DRC11: variants seen among roughly 807,000 people sequenced by gnomAD.
The protein encoded by DRC11 is IQ and AAA domain-containing protein 1.
At chr2:236,394,948 G>C in the DRC11 span, among the ~76,000 whole-genome samples, 1 of 152,328 alleles carries the variant, frequency 6.6e-6, no homozygotes, top group Non-Finnish European at 1.5e-5. This position sits in a 1 kb window ranked among gnomAD's most constrained non-coding sequence, Gnocchi z 7.0. Flanking sequence ...AGTTGGGCAG[G>C]TTTTTGAAAA....
At chr2:236,404,248 C>T in the DRC11 span, among the ~76,000 whole-genome samples, 1 of 151,612 alleles carries the variant, frequency 6.6e-6, no homozygotes, top group African/African-American at 2.4e-5. Flanking sequence ...TGCCCTAGAC[C>T]AATTATGCTC....
At chr2:236,480,806 A>T in the DRC11 span, among the ~76,000 whole-genome samples, 2 of 152,156 alleles carry the variant, frequency 1.3e-5, no homozygotes, top group African/African-American at 4.8e-5. Flanking sequence ...ATGTATTGTC[A>T]TTGAAGAATT....
At chr2:236,351,228 G>A in the DRC11 span, among the ~76,000 whole-genome samples, 1 of 152,110 alleles carries the variant, frequency 6.6e-6, no homozygotes. The surrounding 1 kb of genome is among the most constrained non-coding windows in gnomAD (Gnocchi z 7.3). Flanking sequence ...CCCACCTGTG[G>A]TAAGGGAGAG....
chr2:236,436,171 G>T, the DRC11 span, among the ~76,000 whole-genome samples: 1 of 152,042 alleles, frequency 6.6e-6, no homozygotes, highest in Non-Finnish European at 1.5e-5. Context: ...AATTTTTCTT[G>T]TGTTAAATTC....
chr2:236,498,784 G>A, the DRC11 span, among the ~76,000 whole-genome samples: 5,826 of 152,156 alleles, frequency 0.038, 291 homozygotes, highest in East Asian at 0.12. Flanking sequence ...AGGCCCTCAT[G>A]AGTGTCCCCG....
chr2:236,369,891 A>G, the DRC11 span, among the ~76,000 whole-genome samples: 284 of 152,330 alleles, frequency 1.9e-3, 2 homozygotes, highest in African/African-American at 6.6e-3. This position sits in a 1 kb window ranked among gnomAD's most constrained non-coding sequence, Gnocchi z 4.5. Flanking sequence ...AAAGGCATTT[A>G]GGATAGAGGG....
the DRC11 span, among the ~76,000 whole-genome samples, chr2:236,357,625 A>G: frequency 8.6e-6 from 1 of 116,786 alleles, no homozygotes; most frequent in African/African-American, 3.6e-5. Flanking sequence ...AAATATATAA[A>G]TATGCATATA....
the DRC11 span, among the ~76,000 whole-genome samples, chr2:236,399,882 A>G: frequency 6.6e-6 from 1 of 151,944 alleles, no homozygotes; most frequent in Non-Finnish European, 1.5e-5. The surrounding 1 kb of genome is among the most constrained non-coding windows in gnomAD (Gnocchi z 7.0). Context: ...CACCTGGCTA[A>G]TTTTTAAATT....
the DRC11 span, among the ~76,000 whole-genome samples, chr2:236,402,064 G>A: frequency 1.3e-5 from 2 of 152,190 alleles, no homozygotes; most frequent in Non-Finnish European, 2.9e-5. The surrounding 1 kb of genome is among the most constrained non-coding windows in gnomAD (Gnocchi z 6.0). Flanking sequence ...ACTCTCCCCA[G>A]TGCGTGCCCC....
the DRC11 span, among the ~76,000 whole-genome samples, chr2:236,423,533 C>T: frequency 1.7e-3 from 255 of 152,212 alleles, 1 homozygote; most frequent in Middle Eastern, 6.8e-3. Flanking sequence ...ATGGCGATCA[C>T]TAAAAAGTCA....
chr2:236,432,546 T>G, the DRC11 span, among the ~76,000 whole-genome samples: 1 of 152,194 alleles, frequency 6.6e-6, no homozygotes, highest in African/African-American at 2.4e-5. Flanking sequence ...CGAATTCATT[T>G]GAGTTTTCTT....
At chr2:236,380,239 C>G in the DRC11 span, among the ~76,000 whole-genome samples, 1 of 152,204 alleles carries the variant, frequency 6.6e-6, no homozygotes, top group Non-Finnish European at 1.5e-5. The surrounding 1 kb of genome is among the most constrained non-coding windows in gnomAD (Gnocchi z 4.9). Flanking sequence ...AGATTCCTGT[C>G]CTGTGAGAAC....
chr2:236,500,071 CTT>C, the DRC11 span, among the ~76,000 whole-genome samples: 1 of 147,586 alleles, frequency 6.8e-6, no homozygotes, highest in Non-Finnish European at 1.5e-5. This position sits in a 1 kb window ranked among gnomAD's most constrained non-coding sequence, Gnocchi z 6.3. Context: ...GTTTGCAAGA[CTT>C]TTGGGTTCAG....
the DRC11 span, among the ~76,000 whole-genome samples, chr2:236,404,437 G>A: frequency 5.3e-5 from 8 of 152,138 alleles, no homozygotes; most frequent in Non-Finnish European, 1.0e-4. Context: ...GTCTGCTCCA[G>A]ATGAAGCCTT....
At chr2:236,362,983 G>A in the DRC11 span, among the ~76,000 whole-genome samples, 35 of 152,192 alleles carry the variant, frequency 2.3e-4, no homozygotes, top group Middle Eastern at 0.014. The surrounding 1 kb of genome is among the most constrained non-coding windows in gnomAD (Gnocchi z 5.7). Flanking sequence ...AAACTGCCTC[G>A]TTGATGAGCA....
the DRC11 span, among the ~76,000 whole-genome samples, chr2:236,427,949 T>C: frequency 6.6e-5 from 10 of 152,152 alleles, no homozygotes; most frequent in African/African-American, 2.4e-4. The surrounding 1 kb of genome is among the most constrained non-coding windows in gnomAD (Gnocchi z 5.9). Context: ...TTTATTGGTT[T>C]CAAGACATTT....
the DRC11 span, among the ~76,000 whole-genome samples, chr2:236,387,844 G>A: frequency 1.3e-5 from 2 of 152,048 alleles, no homozygotes; most frequent in African/African-American, 2.4e-5. Context: ...AGGAGCTCTT[G>A]TAAGGCAGGC....
At chr2:236,401,158 G>T in the DRC11 span, among the ~76,000 whole-genome samples, 14 of 152,120 alleles carry the variant, frequency 9.2e-5, no homozygotes, top group South Asian at 2.1e-4. This position sits in a 1 kb window ranked among gnomAD's most constrained non-coding sequence, Gnocchi z 4.6. Context: ...TCCCTCAGGA[G>T]TGCCCCCGCC....
At chr2:236,366,002 G>A in the DRC11 span, among the ~76,000 whole-genome samples, 2 of 152,130 alleles carry the variant, frequency 1.3e-5, no homozygotes, top group African/African-American at 4.8e-5. Context: ...TGACTCCAAG[G>A]AAGTGCCCCT....
Sources: gnomAD v4.1 joint callset for allele counts (sites outside exome capture counted in the v4.1 genomes callset) on GRCh38, gnomAD v4.1.1 for gene constraint, Gnocchi (gnomAD v3.1) non-coding constraint, MANE v1.5 for transcripts, NCBI Gene and HGNC (gene_info 2026-07-23, HGNC 2026-07-21) for gene names.